The following EYS variants were observed in gnomAD, a reference collection of about 807,000 sequenced individuals.
The protein encoded by EYS is protein eyes shut homolog.
Under a neutral mutation model 282.1 loss-of-function variants are expected in EYS, and 250 were observed. The observed-to-expected ratio is 0.89, with a 90% confidence interval of 0.80 to 0.98. The LOEUF (loss-of-function observed/expected upper bound fraction) is 0.98, where lower values mean the gene tolerates loss of function less well. Among genes scored for constraint, EYS ranks in the 50% least tolerant of loss-of-function variants. EYS has a pLI of 0.00. For synonymous variants in EYS, 1,355 were observed against 1,282.9 expected (o/e 1.06, Z -1.20); for missense variants, 4,016 against 3,709.0 (o/e 1.08, Z -2.15).
intron 1 of EYS, among the ~76,000 whole-genome samples, chr6:65,650,131 T>C (rs1767602297): frequency 6.6e-6 from 1 of 152,220 alleles, no homozygotes; most frequent in Admixed American, 6.5e-5. Flanking sequence ...CTCAGTGTTA[T>C]CTGAGCATTC....
chr6:64,063,103 G>T (rs756619694), intron 33 of EYS, among the ~76,000 whole-genome samples: 3 of 152,068 alleles, frequency 2.0e-5, no homozygotes, highest in Non-Finnish European at 2.9e-5. Flanking sequence ...TCAGTATACA[G>T]TTATTAAATG....
chr6:64,073,027 T>A (rs1420614809), intron 32 of EYS, among the ~76,000 whole-genome samples: 12 of 151,864 alleles, frequency 7.9e-5, no homozygotes, highest in Admixed American at 7.9e-4. Flanking sequence ...CTAACATCAA[T>A]GACAGAGATG....
chr6:64,791,169 C>G (rs1774179668), intron 22 of EYS, among the ~76,000 whole-genome samples: 1 of 151,818 alleles, frequency 6.6e-6, no homozygotes, highest in Non-Finnish European at 1.5e-5. Context: ...ATATCCAATC[C>G]ATTTTAGCCT....
At chr6:63,863,788 G>A (rs935570257) in intron 36 of EYS, among the ~76,000 whole-genome samples, 5 of 151,046 alleles carry the variant, frequency 3.3e-5, no homozygotes, top group Non-Finnish European at 7.4e-5. Context: ...CGATTCTCGA[G>A]CCTCAGCCTC....
At chr6:64,319,655 G>C (rs1223096028) in intron 29 of EYS, among the ~76,000 whole-genome samples, 2 of 152,098 alleles carry the variant, frequency 1.3e-5, no homozygotes, top group South Asian at 4.1e-4. Flanking sequence ...GTGTGTGTAT[G>C]TGTGTGTGTC....
At chr6:64,576,843 A>T (rs552613537) in intron 26 of EYS, among the ~76,000 whole-genome samples, 2 of 152,262 alleles carry the variant, frequency 1.3e-5, no homozygotes, top group East Asian at 3.9e-4. Context: ...GGATTGGATT[A>T]TATTCCCCCA....
intron 5 of EYS, among the ~76,000 whole-genome samples, chr6:65,425,843 C>T (rs764614051): frequency 1.2e-4 from 18 of 151,990 alleles, no homozygotes; most frequent in South Asian, 2.1e-4. Context: ...TTTATGATGA[C>T]GAATTTTTTC....
intron 29 of EYS, among the ~76,000 whole-genome samples, chr6:64,384,041 A>C (rs1300249962): frequency 6.6e-6 from 1 of 152,144 alleles, no homozygotes; most frequent in African/African-American, 2.4e-5. Flanking sequence ...TTTTTCAGGA[A>C]TCTCTCACAA....
chr6:64,447,570 G>T (rs1775155954), intron 26 of EYS, among the ~76,000 whole-genome samples: 1 of 151,770 alleles, frequency 6.6e-6, no homozygotes, highest in African/African-American at 2.4e-5. Flanking sequence ...TTAGTACCTT[G>T]ATCAAAAGTC....
At chr6:64,873,462 T>C (rs1272514772) in intron 19 of EYS, among the ~76,000 whole-genome samples, 1 of 152,016 alleles carries the variant, frequency 6.6e-6, no homozygotes, top group Non-Finnish European at 1.5e-5. Flanking sequence ...GGAGACACTT[T>C]TATGTGAAAT....
intron 12 of EYS, among the ~76,000 whole-genome samples, chr6:65,071,668 AAAT>A (rs773068384): frequency 7.9e-5 from 12 of 151,874 alleles, no homozygotes; most frequent in African/African-American, 2.4e-4. Flanking sequence ...CAACCAAGGG[AAAT>A]AATATGGCAT....
intron 2 of EYS, among the ~76,000 whole-genome samples, chr6:65,620,146 T>G (rs1766415110): frequency 6.6e-6 from 1 of 152,198 alleles, no homozygotes; most frequent in Non-Finnish European, 1.5e-5. Context: ...CTCCTCCTTG[T>G]ACCTCTGGTA....
intron 22 of EYS, among the ~76,000 whole-genome samples, chr6:64,690,270 AC>A (rs1770330275): frequency 6.6e-6 from 1 of 152,150 alleles, no homozygotes; most frequent in Non-Finnish European, 1.5e-5. Flanking sequence ...AATCAAAACC[AC>A]GACGAGATAC....
At chr6:64,694,650 G>A (rs769865763) in intron 22 of EYS, among the ~76,000 whole-genome samples, 2 of 152,180 alleles carry the variant, frequency 1.3e-5, no homozygotes, top group African/African-American at 2.4e-5. Context: ...GAGACTAACT[G>A]GATGGGAATT....
At chr6:64,659,402 AAATAGAGACAC>A (rs1768902124) in intron 22 of EYS, among the ~76,000 whole-genome samples, 1 of 152,148 alleles carries the variant, frequency 6.6e-6, no homozygotes, top group African/African-American at 2.4e-5. Flanking sequence ...GAACTGAAGG[AAATAGAGACAC>A]AAAAAACCCT....
At chr6:64,998,960 T>C (rs1771366516) in intron 13 of EYS, among the ~76,000 whole-genome samples, 1 of 152,212 alleles carries the variant, frequency 6.6e-6, no homozygotes, top group Admixed American at 6.5e-5. Context: ...ATGTTACGTG[T>C]TCTATGAAGA....
chr6:64,449,899 A>G (rs1775261602), intron 26 of EYS, among the ~76,000 whole-genome samples: 1 of 152,202 alleles, frequency 6.6e-6, no homozygotes, highest in South Asian at 2.1e-4. Flanking sequence ...CCACTGCAGA[A>G]ACATGCCAAA....
intron 33 of EYS, among the ~76,000 whole-genome samples, chr6:64,025,937 A>T (rs560665783): frequency 6.6e-6 from 1 of 152,210 alleles, no homozygotes; most frequent in East Asian, 1.9e-4. Flanking sequence ...AGTAAGGGCC[A>T]ATAAATCCGA....
At chr6:64,343,974 T>A (rs943148837) in intron 29 of EYS, among the ~76,000 whole-genome samples, 2 of 152,152 alleles carry the variant, frequency 1.3e-5, no homozygotes, top group Admixed American at 1.3e-4. Flanking sequence ...GATAAATTCC[T>A]GGACACATAC....
Sources: allele counts gnomAD v4.1 joint callset (sites outside exome capture counted in the v4.1 genomes callset), GRCh38; gene constraint gnomAD v4.1.1; transcripts MANE v1.5; gene names NCBI Gene and HGNC (gene_info 2026-07-23, HGNC 2026-07-21).